Variants in TRPM3 observed in about 807,000 individuals in gnomAD.
TRPM3 encodes long transient receptor potential channel 3.
In TRPM3, 77 loss-of-function variants were observed where a neutral mutation model predicts 181.2. The ratio of observed to expected loss-of-function variants is 0.42; its 90% CI spans 0.35 to 0.51. The LOEUF (loss-of-function observed/expected upper bound fraction) is 0.51, where lower values mean the gene tolerates loss of function less well. TRPM3 is among the 20% of genes least tolerant of loss of function. TRPM3 has a pLI of 0.01. For missense variants in TRPM3, 1,759 were observed against 2,196.7 expected (o/e 0.80, Z 3.98); for synonymous variants, 745 against 796.4 (o/e 0.94, Z 1.09).
chr9:71,078,377 T>C (rs963319132), intron 1 of TRPM3, among the ~76,000 whole-genome samples: 1 of 152,156 alleles, frequency 6.6e-6, no homozygotes, highest in Non-Finnish European at 1.5e-5. Flanking sequence ...CACACTTTTG[T>C]TTATACATAG....
intron 1 of TRPM3, among the ~76,000 whole-genome samples, chr9:71,105,574 G>A (rs1439227538): frequency 2.6e-5 from 4 of 152,070 alleles, no homozygotes; most frequent in Admixed American, 6.6e-5. Context: ...TAGTTGCCTG[G>A]TACCTGGCCT....
At chr9:70,765,667 G>C (rs2078977692) in intron 7 of TRPM3, among the ~76,000 whole-genome samples, 1 of 152,134 alleles carries the variant, frequency 6.6e-6, no homozygotes, top group Non-Finnish European at 1.5e-5. Context: ...TGCTGAACTA[G>C]ATTTCTTCTG....
rs377128504 is a variant in TRPM3, at chr9:70,964,721, A to G, written c.178-100210T>C. Among the ~76,000 whole-genome samples, 106 of 152,212 alleles carry G rather than the reference A, an allele frequency of 7.0e-4. 1 individual carries two copies. The South Asian group carries it at 0.011, about 15-fold the overall frequency. On this transcript the variant is annotated intron_variant, in intron 1 of 25. Coordinates refer to ENST00000677713, the MANE Select transcript of TRPM3 (RefSeq NM_001366145.2). ...ATCACAATCTGTATATGAATAATAG[A>G]TATTTTCATTAACCACAGGGTTTCA...
At chr9:71,365,568 C>CA (rs1302548248) in intron 1 of TRPM3, among the ~76,000 whole-genome samples, 1 of 151,964 alleles carries the variant, frequency 6.6e-6, no homozygotes, top group East Asian at 1.9e-4. Flanking sequence ...TGTGGCTTAG[C>CA]AAAAAAACTG....
At chr9:70,905,861 C>T (rs542982970) in intron 1 of TRPM3, among the ~76,000 whole-genome samples, 1 of 152,162 alleles carries the variant, frequency 6.6e-6, no homozygotes, top group Admixed American at 6.5e-5. Context: ...CTCCCACTTC[C>T]CGGGTAGCTG....
chr9:71,075,431 T>C (rs749604289), intron 1 of TRPM3, among the ~76,000 whole-genome samples: 2 of 152,180 alleles, frequency 1.3e-5, no homozygotes, highest in Non-Finnish European at 2.9e-5. Flanking sequence ...ATGTTAGAAG[T>C]GGTCAGCTCA....
chr9:70,894,562 G>A (rs1476694551), intron 1 of TRPM3, among the ~76,000 whole-genome samples: 1 of 152,152 alleles, frequency 6.6e-6, no homozygotes, highest in African/African-American at 2.4e-5. Context: ...CACTGCTTTA[G>A]GAACTTGGGA....
rs1157161992 is a variant in TRPM3 at position 71,282,410 on chromosome 9, GAAAA to G, written c.183+164239_183+164242del. Among the ~76,000 whole-genome samples the G allele has an allele frequency of 3.7e-5, 4 of 106,696 alleles. 1 individual carries two copies. The highest frequency in any genetic ancestry group is 8.0e-5 in the Non-Finnish European group (4 of 50,200). The allele number at this position is 106,696 out of a possible 152,430, so 70.0% of individuals were successfully genotyped here. A position where few individuals can be genotyped will look rare whatever the true frequency, so the allele number is the denominator to read the frequency against. On this transcript the variant is annotated intron_variant, in intron 1 of 24. Transcript: ENST00000357533. ...AAGGAAAGAAAGAAAGGAAAAGAAA[GAAAA>G]AGAAAAAGAAAGAAAAAAAGAAAGA...
intron 14 of TRPM3, among the ~76,000 whole-genome samples, chr9:70,623,061 T>G (rs1374893506): frequency 1.3e-5 from 2 of 152,126 alleles, no homozygotes; most frequent in East Asian, 3.8e-4. Flanking sequence ...AAAAAAACTT[T>G]GTTAAATATA....
intron 6 of TRPM3, among the ~76,000 whole-genome samples, chr9:70,789,831 C>A (rs969642600): frequency 6.6e-6 from 1 of 152,188 alleles, no homozygotes; most frequent in African/African-American, 2.4e-5. Context: ...CATAAGATAA[C>A]CTCTTAGACT....
At position 71,332,565 on chromosome 9, in the gene TRPM3, C is replaced by CAA. The variant is rs142605562; in HGVS notation, c.183+114086_183+114087dup. Among the ~76,000 whole-genome samples, 296 of 146,474 alleles carry CAA rather than the reference C, an allele frequency of 2.0e-3. 2 individuals carry two copies. The highest frequency in any genetic ancestry group is 5.9e-3 in the South Asian group (27 of 4,548). ...TGCAGTAGATTCTACTCTGATGAAC[C>CAA]AAAAAAAAACAAAAATGTGAAATCA... is the stretch of plus-strand genomic sequence containing the variant. On this transcript the variant is annotated intron_variant, in intron 1 of 24. Coordinates refer to the TRPM3 transcript ENST00000357533.
intron 1 of TRPM3, among the ~76,000 whole-genome samples, chr9:71,411,090 A>G (rs2093539859): frequency 6.6e-6 from 1 of 152,212 alleles, no homozygotes; most frequent in African/African-American, 2.4e-5. Flanking sequence ...CTAGGTATTG[A>G]TGGGACGTAT....
At chr9:71,149,948 T>A (rs2075640889) in intron 1 of TRPM3, among the ~76,000 whole-genome samples, 1 of 152,126 alleles carries the variant, frequency 6.6e-6, no homozygotes, top group South Asian at 2.1e-4. Flanking sequence ...CACTTCAGCC[T>A]GGGTAACAGA....
At chr9:71,311,793 A>T (rs116557289) in intron 1 of TRPM3, among the ~76,000 whole-genome samples, 1,595 of 152,086 alleles carry the variant, frequency 0.01, 29 homozygotes, top group African/African-American at 0.035. Context: ...GAGCAAAAAA[A>T]AATAATAAAA....
intron 1 of TRPM3, among the ~76,000 whole-genome samples, chr9:71,281,569 T>G (rs1272515291): frequency 6.6e-6 from 1 of 152,242 alleles, no homozygotes; most frequent in Non-Finnish European, 1.5e-5. Flanking sequence ...CACGTCTGTC[T>G]TTCTGTCCTT....
At chr9:71,032,067 T>TA (rs376602754) in intron 1 of TRPM3, among the ~76,000 whole-genome samples, 1 of 57,404 alleles carries the variant, frequency 1.7e-5, no homozygotes, top group African/African-American at 5.7e-5. Context: ...ATTATATATA[T>TA]TATATTATAT....
chr9:71,431,149 CTT>C (rs2093948083), intron 1 of TRPM3, among the ~76,000 whole-genome samples: 1 of 152,064 alleles, frequency 6.6e-6, no homozygotes, highest in Non-Finnish European at 1.5e-5. Context: ...TTATTTGTCT[CTT>C]GTCATATTTT....
intron 1 of TRPM3, among the ~76,000 whole-genome samples, chr9:71,182,557 T>C (rs2077463418): frequency 6.6e-6 from 1 of 152,160 alleles, no homozygotes; most frequent in African/African-American, 2.4e-5. Flanking sequence ...AGCCTATTTA[T>C]CCTAAAAGAC....
At chr9:70,893,252 T>C (rs905387375) in intron 1 of TRPM3, among the ~76,000 whole-genome samples, 2 of 152,128 alleles carry the variant, frequency 1.3e-5, no homozygotes, top group Non-Finnish European at 2.9e-5. Context: ...TGAAATCACA[T>C]GGACCATGCC....
Sources: gnomAD v4.1 joint callset for allele counts (sites outside exome capture counted in the v4.1 genomes callset) on GRCh38, gnomAD v4.1.1 for gene constraint, MANE v1.5 for transcripts, NCBI Gene and HGNC (gene_info 2026-07-23, HGNC 2026-07-21) for gene names.